Variants in IL31RA observed in about 807,000 individuals in gnomAD.
The protein encoded by IL31RA is interleukin-31 receptor subunit alpha.
Under a neutral mutation model 83.7 loss-of-function variants are expected in IL31RA, and 66 were observed. The ratio of observed to expected loss-of-function variants is 0.79; its 90% CI spans 0.65 to 0.97. The LOEUF (loss-of-function observed/expected upper bound fraction) is 0.97. Ranked by LOEUF, IL31RA falls within the 50% of genes least tolerant of loss-of-function variation. The probability of loss-of-function intolerance (pLI) is 0.00; values close to 1 mark genes in which losing one functional copy is unlikely to be tolerated. For missense variants in IL31RA, 798 were observed against 919.4 expected (o/e 0.87, Z 1.71); for synonymous variants, 325 against 329.0 (o/e 0.99, Z 0.13).
At position 55,903,207 on chromosome 5, in the gene IL31RA, C is replaced by A. The variant is rs904041358; in HGVS notation, c.1070-2899C>A. ...GCATCGGAAAGCCCGGCCACTGTGT[C>A]ATAAGGCCAGAGGAGGAAGATGGGC... On this transcript the variant is annotated intron_variant, in intron 8 of 14. Transcript: ENST00000652347. This position sits in a 1 kb window ranked among gnomAD's most constrained non-coding sequence, Gnocchi z 4.7. Among the ~76,000 whole-genome samples, 1 of 152,178 alleles carries A rather than the reference C, an allele frequency of 6.6e-6. No individual in the cohort carries two copies. Among genetic ancestry groups the A allele is most frequent in the Non-Finnish European group, 1.5e-5 (1 of 68,038 alleles).
chr5:55,847,800 A>C (rs1028242038), upstream of IL31RA, among the ~76,000 whole-genome samples: 1 of 152,222 alleles, frequency 6.6e-6, no homozygotes, highest in Non-Finnish European at 1.5e-5. Flanking sequence ...GCAAGCTACC[A>C]TATTACATTG....
chr5:55,861,383 C>T (rs1168219911), intron 2 of IL31RA, among the ~76,000 whole-genome samples: 2 of 152,294 alleles, frequency 1.3e-5, no homozygotes, highest in Admixed American at 6.5e-5. Context: ...GCCTGAGCTC[C>T]GCCTCCTGTC....
Position 55,868,780 on chromosome 5 carries a change from AATTT to A in IL31RA, c.155-5_155-2del. On this transcript the variant is annotated splice_polypyrimidine_tract_variant and splice_region_variant and intron_variant, in intron 2 of 14. Transcript: ENST00000652347. ...TTTGTGTTTGTGTGTGTGTGTGTTT[AATTT>A]ATTTAGCTCTGCCAGCTAAGCCTGA... The A allele has an allele frequency of 7.0e-7, 1 of 1,435,874 alleles. No homozygotes were observed. Among genetic ancestry groups the A allele is most frequent in the Non-Finnish European group, 9.8e-7 (1 of 1,017,948 alleles). 88.9% of individuals were successfully genotyped at this position (1,435,874 alleles called of 1,614,324 possible).
chr5:55,882,646 G>A (rs1010278127), intron 4 of IL31RA, among the ~76,000 whole-genome samples: 6 of 152,196 alleles, frequency 3.9e-5, no homozygotes, highest in Non-Finnish European at 7.3e-5. Flanking sequence ...AGGAAAATGA[G>A]AGTTATTTTC....
intron 4 of IL31RA, 142 bp downstream of exon 4, chr5:55,872,593 T>C (rs1294727009): frequency 3.5e-5 from 8 of 226,272 alleles, no homozygotes; most frequent in Non-Finnish European, 6.9e-5. Context: ...CATCTTCTAA[T>C]TAAAGAAGAA....
intron 11 of IL31RA, among the ~76,000 whole-genome samples, chr5:55,909,453 G>C (rs914172620): frequency 1.3e-5 from 2 of 152,130 alleles, no homozygotes; most frequent in African/African-American, 4.8e-5. Flanking sequence ...GGATCATACT[G>C]TAACTCTAGT....
intron 6 of IL31RA, among the ~76,000 whole-genome samples, chr5:55,895,931 TA>T (rs1177098738): frequency 6.6e-6 from 1 of 152,242 alleles, no homozygotes; most frequent in Non-Finnish European, 1.5e-5. Context: ...TATGTGGTTT[TA>T]TTTTTTTGGA....
At chr5:55,846,709 C>A (rs10737957), upstream of IL31RA, among the ~76,000 whole-genome samples, 102,269 of 151,870 alleles carry the variant, frequency 0.67, 34,899 homozygotes, top group South Asian at 0.77. Flanking sequence ...AAACAGGAGA[C>A]TCGCTTGAAC....
chr5:55,904,227 GC>G (rs1748995715), intron 8 of IL31RA, among the ~76,000 whole-genome samples: 1 of 152,166 alleles, frequency 6.6e-6, no homozygotes, highest in Non-Finnish European at 1.5e-5. Context: ...TGAGATAAAA[GC>G]CCCAGGGAGG....
At chr5:55,900,709 T>C (rs192733621) in intron 8 of IL31RA, among the ~76,000 whole-genome samples, 277 of 152,362 alleles carry the variant, frequency 1.8e-3, no homozygotes, top group African/African-American at 6.5e-3. Flanking sequence ...TGTTTTGGAA[T>C]AAAAAACTTT....
rs768150811 is a variant in IL31RA, at chr5:55,868,844, T to G, written c.208T>G (p.Leu70Val). ...ISCVYYYRKN[L>V]TCTWSPGKET... ...CTGTGTCTACTACTATAGGAAAAAT[T>G]TAACCTGCACTTGGAGTCCAGGAAA... Residue 70 changes from leucine to valine, a missense_variant, in exon 3 of 15, where the codon TTA (leucine) becomes GTA (valine). Physicochemically the swap from Leu to Val is conservative, Grantham distance 32. Coordinates refer to ENST00000652347, the MANE Select transcript of IL31RA (RefSeq NM_139017.7). The G allele has an allele frequency of 7.6e-5, 122 of 1,611,618 alleles. No homozygotes were observed. The Admixed American group carries it at 2.0e-3, about 26-fold the overall frequency.
chr5:55,866,292 C>G (rs1746039932), intron 2 of IL31RA, among the ~76,000 whole-genome samples: 1 of 152,076 alleles, frequency 6.6e-6, no homozygotes, highest in South Asian at 2.1e-4. Context: ...TGAGGCTTCC[C>G]CTAGACTAGT....
chr5:55,882,246 C>T (rs547729544), intron 4 of IL31RA, among the ~76,000 whole-genome samples: 64 of 151,880 alleles, frequency 4.2e-4, no homozygotes, highest in Non-Finnish European at 7.2e-4. Flanking sequence ...CATGAATGTG[C>T]GATAATAGAA....
intron 4 of IL31RA, among the ~76,000 whole-genome samples, chr5:55,881,395 C>T (rs1747210952): frequency 6.6e-6 from 1 of 151,972 alleles, no homozygotes; most frequent in Admixed American, 6.6e-5. Flanking sequence ...GGAAGAGGGC[C>T]AAGTGGGCAT....
At chr5:55,840,254 A>G in the IL31RA span, among the ~76,000 whole-genome samples, 6 of 152,210 alleles carry the variant, frequency 3.9e-5, no homozygotes, top group African/African-American at 1.4e-4. Context: ...GCCATAGTGG[A>G]AGTACTTACA....
At chr5:55,850,389 A>C (rs186916913), upstream of IL31RA, among the ~76,000 whole-genome samples, 1 of 152,018 alleles carries the variant, frequency 6.6e-6, no homozygotes, top group Non-Finnish European at 1.5e-5. Context: ...CTTTTCTTCT[A>C]TCTTCTGGAA....
chr5:55,853,535 G>A (rs1745180459), intron 1 of IL31RA: 7 of 1,551,026 alleles, frequency 4.5e-6, no homozygotes, highest in Non-Finnish European at 6.1e-6. Context: ...TGAGCCAGCA[G>A]AACATCTGTG....
At chr5:55,911,494 T>G (rs977288726) in intron 12 of IL31RA, among the ~76,000 whole-genome samples, 2 of 149,784 alleles carry the variant, frequency 1.3e-5, no homozygotes, top group East Asian at 1.9e-4. Context: ...TTTGTGGAGG[T>G]TTTTTTTGAG....
At chr5:55,897,885 A>G (rs1434020187) in intron 7 of IL31RA, among the ~76,000 whole-genome samples, 1 of 152,244 alleles carries the variant, frequency 6.6e-6, no homozygotes, top group African/African-American at 2.4e-5. Context: ...ATATTTGCTG[A>G]AGTCCAGGCA....
Sources: allele counts gnomAD v4.1 joint callset (sites outside exome capture counted in the v4.1 genomes callset), GRCh38; gene constraint gnomAD v4.1.1; non-coding constraint Gnocchi (gnomAD v3.1); transcripts MANE v1.5; gene names NCBI Gene and HGNC (gene_info 2026-07-23, HGNC 2026-07-21).